Variants in ETNPPL observed in about 807,000 individuals in gnomAD.
The protein encoded by ETNPPL is ethanolamine-phosphate phospho-lyase.
In ETNPPL, 30 loss-of-function variants were observed where a neutral mutation model predicts 55.5. The observed-to-expected ratio is 0.54, with a 90% confidence interval of 0.40 to 0.73. The LOEUF (loss-of-function observed/expected upper bound fraction) is 0.73. Among genes scored for constraint, ETNPPL ranks in the 30% least tolerant of loss-of-function variants. ETNPPL has a pLI of 0.00. For synonymous variants in ETNPPL, 202 were observed against 207.2 expected (o/e 0.98, Z 0.21); for missense variants, 528 against 607.9 (o/e 0.87, Z 1.38).
intron 11 of ETNPPL, among the ~76,000 whole-genome samples, chr4:108,744,347 G>T (rs536728611): frequency 6.6e-6 from 1 of 151,986 alleles, no homozygotes; most frequent in Non-Finnish European, 1.5e-5. Context: ...GTGGCACTAA[G>T]CCCATTTTAC....
chr4:108,753,423 T>C (rs1412764452), intron 5 of ETNPPL, among the ~76,000 whole-genome samples: 4 of 152,164 alleles, frequency 2.6e-5, no homozygotes, highest in African/African-American at 7.2e-5. Flanking sequence ...CTCCAGATCT[T>C]AAAATCTTGA....
chr4:108,754,852 G>A, intron 4 of ETNPPL, 142 bp from the exon 5 acceptor site: 1 of 617,128 alleles, frequency 1.6e-6, no homozygotes, highest in Non-Finnish European at 2.8e-6. Context: ...TTGACTATAT[G>A]GGATCTAATT....
intron 2 of ETNPPL, 98 bp from the exon 3 acceptor site, chr4:108,760,006 A>G: frequency 7.5e-7 from 1 of 1,339,916 alleles, no homozygotes. Flanking sequence ...AAACAAACAA[A>G]CAAACAAAAG....
intron 11 of ETNPPL, among the ~76,000 whole-genome samples, 189 bp downstream of exon 11, chr4:108,746,210 A>C (rs1728485735): frequency 6.6e-6 from 1 of 152,218 alleles, no homozygotes; most frequent in Non-Finnish European, 1.5e-5. Context: ...ATTTCAATTT[A>C]AGAGTCCATG....
chr4:108,759,884 AC>A lies in ETNPPL; in HGVS notation c.199del (p.Val67SerfsTer5). On this transcript the variant is annotated frameshift_variant, in exon 3 of 13. Coordinates refer to ENST00000296486, the MANE Select transcript of ETNPPL (RefSeq NM_031279.4). LOFTEE classifies it high-confidence loss of function. ...TTCCATCTGTTTCAGGGCAGCTTTG[AC>A]CACTCCTGGGTGACAGTGTCCCACT... The part of the protein sequence containing the change: ...AHVGHCHPGV[V>X]KAALKQMELL... The A allele has an allele frequency of 6.2e-7, 1 of 1,614,172 alleles. No homozygotes were observed. Among genetic ancestry groups the A allele is most frequent in the South Asian group, 1.1e-5 (1 of 91,084 alleles).
intron 5 of ETNPPL, among the ~76,000 whole-genome samples, chr4:108,753,756 G>GAAAGAAAGAAAGAAAGAA (rs1560656194): frequency 1.6e-5 from 2 of 122,890 alleles, no homozygotes; most frequent in African/African-American, 3.1e-5. Context: ...AAATAAGAAA[G>GAAAGAAAGAAAGAAAGAA]AAAGAAAGAA....
intron 1 of ETNPPL, among the ~76,000 whole-genome samples, chr4:108,762,016 A>T (rs1246187500): frequency 6.6e-6 from 1 of 152,152 alleles, no homozygotes; most frequent in Non-Finnish European, 1.5e-5. Flanking sequence ...TTATATTTAC[A>T]CGTATCTTTT....
chr4:108,754,737 T>C, intron 4 of ETNPPL, 27 bp from the exon 5 acceptor site: 1 of 1,219,266 alleles, frequency 8.2e-7, no homozygotes, highest in Non-Finnish European at 1.2e-6. Context: ...AAAAAAGCAG[T>C]AATCAAAATA....
At chr4:108,751,171 G>T (rs1194070442) in intron 6 of ETNPPL, among the ~76,000 whole-genome samples, 153 bp from the exon 7 acceptor site, 1 of 152,084 alleles carries the variant, frequency 6.6e-6, no homozygotes, top group Non-Finnish European at 1.5e-5. Flanking sequence ...AAAAGGAAAA[G>T]GTGTCTATGC....
chr4:108,757,039 A>G (rs1483728997), intron 3 of ETNPPL, among the ~76,000 whole-genome samples: 1 of 152,180 alleles, frequency 6.6e-6, no homozygotes, highest in Non-Finnish European at 1.5e-5. Flanking sequence ...TATGCTGCCC[A>G]TTCCAGACTT....
intron 5 of ETNPPL, among the ~76,000 whole-genome samples, chr4:108,753,409 C>T (rs1729005353): frequency 6.6e-6 from 1 of 152,176 alleles, no homozygotes; most frequent in African/African-American, 2.4e-5. Flanking sequence ...TGTGTTAGCA[C>T]TCACTCCAGA....
At chr4:108,758,278 C>T (rs2125681401) in intron 3 of ETNPPL, among the ~76,000 whole-genome samples, 1 of 152,162 alleles carries the variant, frequency 6.6e-6, no homozygotes, top group Middle Eastern at 3.4e-3. Flanking sequence ...GCATGAGCCA[C>T]CACGCCGAAC....
At position 108,750,930 on chromosome 4, in the gene ETNPPL, A is replaced by G; in HGVS notation, c.701+6T>C. Reference sequence around the variant, plus strand: ...TTGACCAAGGAGGCCCAAGTCAAGTACATACTCTGCCACTTTCTGGAAGTA... The same window carrying G: ...TTGACCAAGGAGGCCCAAGTCAAGTGCATACTCTGCCACTTTCTGGAAGTA... On this transcript the variant is annotated splice_donor_region_variant and intron_variant, in intron 7 of 12. Coordinates refer to ENST00000296486, the MANE Select transcript of ETNPPL (RefSeq NM_031279.4). 1.2e-6 allele frequency: 2 copies of G among 1,609,226 alleles called. No individual in the cohort carries two copies. Among genetic ancestry groups the G allele is most frequent in the Non-Finnish European group, 1.7e-6 (2 of 1,175,830 alleles).
Position 108,742,502 on chromosome 4 carries a change from A to G in ETNPPL, c.1482T>C (p.Ser494=), listed in dbSNP as rs774121917. Residue 494 remains serine (S), a synonymous_variant, in exon 13 of 13, where the codon AGT becomes AGC. Coordinates refer to ENST00000296486, the MANE Select transcript of ETNPPL (RefSeq NM_031279.4). ...GMCTDTHSLL[S]KRLKT ...AAATCAGTCATGTCTTGAGCCTCTT[A>G]CTGAGCAGTGAATGTGTATCCGTGC... is the stretch of plus-strand genomic sequence containing the variant. 6.2e-7 allele frequency: 1 copy of G among 1,614,132 alleles called. No individual in the cohort carries two copies. The highest frequency in any genetic ancestry group is 8.5e-7 in the Non-Finnish European group (1 of 1,180,008).
rs1046986831 is a variant in ETNPPL, at chr4:108,751,034, T to A, written c.619-16A>T. 5 of 1,600,684 alleles carry A rather than the reference T, an allele frequency of 3.1e-6. No homozygotes were observed. The African/African-American group carries it at 6.7e-5, about 21-fold the overall frequency. ...AGGCAGCAATCTATACAAGAGAAGA[T>A]GGTGTCAAAGTCCATTAGGTCCCCC... On this transcript the variant is annotated splice_polypyrimidine_tract_variant and intron_variant, in intron 6 of 12. Transcript: ENST00000296486.
chr4:108,743,052 T>C (rs559706920), intron 12 of ETNPPL, among the ~76,000 whole-genome samples: 22 of 152,340 alleles, frequency 1.4e-4, no homozygotes, highest in Non-Finnish European at 2.2e-4. Context: ...GCGAATCACT[T>C]GCTCTCATTC....
At chr4:108,753,159 T>C in intron 5 of ETNPPL, 148 bp from the exon 6 acceptor site, 1 of 585,450 alleles carries the variant, frequency 1.7e-6, no homozygotes, top group Non-Finnish European at 3.0e-6. Flanking sequence ...TCCCTTAACA[T>C]TTCTAAATTC....
chr4:108,747,845 C>T (rs1362408556), intron 9 of ETNPPL, 160 bp downstream of exon 9: 4 of 559,432 alleles, frequency 7.2e-6, no homozygotes, highest in Non-Finnish European at 1.2e-5. Flanking sequence ...TCTCATGCCT[C>T]AGCCTCCCGA....
At chr4:108,760,376 G>C in intron 1 of ETNPPL, 70 bp from the exon 2 acceptor site, 1 of 761,820 alleles carries the variant, frequency 1.3e-6, no homozygotes, top group Non-Finnish European at 2.2e-6. Flanking sequence ...CTCAATGAAG[G>C]TCCCCATCAG....
Sources: allele counts gnomAD v4.1 joint callset (sites outside exome capture counted in the v4.1 genomes callset), GRCh38; gene constraint gnomAD v4.1.1; transcripts MANE v1.5; gene names NCBI Gene and HGNC (gene_info 2026-07-23, HGNC 2026-07-21).